ANKRD30A: variants seen among roughly 807,000 people sequenced by gnomAD.
ANKRD30A encodes ankyrin repeat domain 30A.
In ANKRD30A, 170 loss-of-function variants were observed where a neutral mutation model predicts 166.3. That is an observed-to-expected ratio of 1.02 (90% CI 0.90 to 1.16). The LOEUF is 1.16. Ranked by LOEUF, ANKRD30A falls within the 50% of genes most tolerant of loss-of-function variation. ANKRD30A has a pLI of 0.00. For missense variants in ANKRD30A, 1,630 were observed against 1,518.0 expected (o/e 1.07, Z -1.23); for synonymous variants, 564 against 508.9 (o/e 1.11, Z -1.46).
At chr10:37,164,535 C>A (rs1368897467) in intron 17 of ANKRD30A, among the ~76,000 whole-genome samples, 5 of 152,002 alleles carry the variant, frequency 3.3e-5, no homozygotes, top group Non-Finnish European at 7.4e-5. Flanking sequence ...AGCTTATCTT[C>A]CTAAAGCATA....
intron 31 of ANKRD30A, among the ~76,000 whole-genome samples, chr10:37,212,218 A>G (rs1842370028): frequency 6.6e-6 from 1 of 152,070 alleles, no homozygotes; most frequent in African/African-American, 2.4e-5. Flanking sequence ...ATTGTTATAC[A>G]CCAATAACAG....
chr10:37,196,519 C>A (rs1307772933), intron 27 of ANKRD30A, among the ~76,000 whole-genome samples: 3 of 151,948 alleles, frequency 2.0e-5, no homozygotes, highest in African/African-American at 7.3e-5. Flanking sequence ...TGTAAAAATA[C>A]TGAATTTATA....
chr10:37,252,930 C>A, the ANKRD30A span, among the ~76,000 whole-genome samples: 1 of 152,150 alleles, frequency 6.6e-6, no homozygotes, highest in African/African-American at 2.4e-5. Flanking sequence ...TCCTTTTAGA[C>A]AAATGCCCTT....
chr10:37,209,818 GAT>G, intron 31 of ANKRD30A, among the ~76,000 whole-genome samples: 1 of 151,976 alleles, frequency 6.6e-6, no homozygotes, highest in South Asian at 2.1e-4. Context: ...TTTTTCTTGA[GAT>G]ATTATATTTT....
intron 17 of ANKRD30A, 24 bp from the exon 18 acceptor site, chr10:37,165,070 G>A (rs1244395240): frequency 1.9e-6 from 3 of 1,592,302 alleles, no homozygotes; most frequent in Non-Finnish European, 2.6e-6. Flanking sequence ...GCTCATGAAT[G>A]TATCTGTGAT....
At chr10:37,165,259 C>A in intron 18 of ANKRD30A, 104 bp downstream of exon 18, 1 of 1,098,554 alleles carries the variant, frequency 9.1e-7, no homozygotes. Context: ...GTGTCACCCT[C>A]AAATTATTTT....
At chr10:37,164,809 T>C (rs1174292425) in intron 17 of ANKRD30A, among the ~76,000 whole-genome samples, 1 of 152,092 alleles carries the variant, frequency 6.6e-6, no homozygotes, top group Admixed American at 6.6e-5. Context: ...CATACTGTGT[T>C]TCACAGGAGA....
rs528207067 is a variant in ANKRD30A at position 37,184,019 on chromosome 10, G to A, written c.2422-5448G>A. On this transcript the variant is annotated intron_variant, in intron 24 of 35. Transcript: ENST00000361713. The stretch of plus-strand genomic sequence containing the variant: ...AAAAATTAGCCGGACGTGGTGGCAC[G>A]CATTTCTAATAATTTCTCAGGCGAT... Among the ~76,000 whole-genome samples the A allele has an allele frequency of 7.2e-5, 11 of 151,840 alleles. No individual in the cohort carries two copies. In the South Asian group the frequency reaches 1.0e-3, roughly 14 times the overall value.
intron 34 of ANKRD30A, among the ~76,000 whole-genome samples, chr10:37,228,520 A>G (rs1384808911): frequency 5.9e-5 from 9 of 152,034 alleles, no homozygotes; most frequent in Admixed American, 2.6e-4. Flanking sequence ...TTTTACTTCT[A>G]TGAAATCAGA....
the ANKRD30A span, chr10:37,242,087 G>T: frequency 6.6e-6 from 1 of 152,150 alleles, no homozygotes; most frequent in Non-Finnish European, 1.5e-5. Flanking sequence ...TGTTGCAAAA[G>T]ATTCCATTCA....
chr10:37,158,927 G>A (rs1390586481), intron 15 of ANKRD30A, among the ~76,000 whole-genome samples: 2 of 152,158 alleles, frequency 1.3e-5, no homozygotes, highest in Admixed American at 1.3e-4. Flanking sequence ...TTGGAATTCC[G>A]ATCTTTACTT....
the ANKRD30A span, among the ~76,000 whole-genome samples, chr10:37,242,645 G>A: frequency 6.6e-6 from 1 of 152,216 alleles, no homozygotes; most frequent in Admixed American, 6.5e-5. Flanking sequence ...AGCACTTATG[G>A]CGTCAATAGT....
At chr10:37,200,929 T>C (rs2047845457) in intron 30 of ANKRD30A, among the ~76,000 whole-genome samples, 1 of 152,032 alleles carries the variant, frequency 6.6e-6, no homozygotes, top group Admixed American at 6.6e-5. Flanking sequence ...GACGACAACA[T>C]GTTAGATATT....
intron 34 of ANKRD30A, among the ~76,000 whole-genome samples, chr10:37,227,376 G>T (rs1449520879): frequency 6.6e-6 from 1 of 151,702 alleles, no homozygotes; most frequent in Non-Finnish European, 1.5e-5. Context: ...CAGAACCATT[G>T]GTTGAAAATA....
At position 37,158,392 on chromosome 10, in the gene ANKRD30A, A is replaced by G. The variant is rs1838549612; in HGVS notation, c.1799A>G (p.Glu600Gly). The G allele has an allele frequency of 1.2e-6, 2 of 1,609,040 alleles. No homozygotes were observed. Among genetic ancestry groups the G allele is most frequent in the East Asian group, 2.2e-5 (1 of 44,752 alleles). The part of the protein sequence containing the change: ...EIDKINGKLE[E>G]SPNKDGLLKA... ...ATTATGTATGTCCCTTTTCTTATAG[A>G]GTCTCCTAATAAAGATGGTCTTCTG... Residue 600 changes from glutamate to glycine, a missense_variant and splice_region_variant, in exon 14 of 36, where the codon GAG becomes GGG. Transcript: ENST00000361713.
At chr10:37,131,275 T>C (rs1219387417) in intron 3 of ANKRD30A, among the ~76,000 whole-genome samples, 1 of 152,162 alleles carries the variant, frequency 6.6e-6, no homozygotes, top group African/African-American at 2.4e-5. Context: ...TTTATTAATA[T>C]TTTTGATATT....
chr10:37,147,602 C>G (rs1837599707), intron 9 of ANKRD30A, 145 bp downstream of exon 9: 1 of 510,482 alleles, frequency 2.0e-6, no homozygotes, highest in Admixed American at 3.9e-5. Flanking sequence ...AGTTATGTAT[C>G]TTTTCAGGTG....
chr10:37,133,672 C>G (rs1177055797), intron 4 of ANKRD30A, among the ~76,000 whole-genome samples: 1 of 152,248 alleles, frequency 6.6e-6, no homozygotes, highest in Admixed American at 6.5e-5. Context: ...GATTAGTGAA[C>G]AGAGCATAAT....
chr10:37,143,758 G>C (rs1837319171), intron 7 of ANKRD30A, among the ~76,000 whole-genome samples: 1 of 150,446 alleles, frequency 6.6e-6, no homozygotes, highest in African/African-American at 2.4e-5. Context: ...AAACAGGCAA[G>C]ATTGTATTCC....
Sources: gnomAD v4.1 joint callset for allele counts (sites outside exome capture counted in the v4.1 genomes callset) on GRCh38, gnomAD v4.1.1 for gene constraint, MANE v1.5 for transcripts, NCBI Gene and HGNC (gene_info 2026-07-23, HGNC 2026-07-21) for gene names.